The following TMC7 variants were observed in gnomAD, a reference collection of about 807,000 sequenced individuals.
TMC7 encodes the protein transmembrane channel-like protein 7.
Under a neutral mutation model 82.9 loss-of-function variants are expected in TMC7, and 54 were observed. The observed-to-expected ratio is 0.65, with a 90% CI of 0.52 to 0.82. TMC7 has a LOEUF of 0.82. Ranked by LOEUF, TMC7 falls within the 40% of genes least tolerant of loss-of-function variation. The pLI is 0.00. For synonymous variants in TMC7, 350 were observed against 337.9 expected (o/e 1.04, Z -0.39); for missense variants, 820 against 901.2 (o/e 0.91, Z 1.15).
chr16:19,014,097 A>C (rs970738934), intron 2 of TMC7, among the ~76,000 whole-genome samples: 2 of 146,694 alleles, frequency 1.4e-5, no homozygotes, highest in Non-Finnish European at 3.0e-5. Flanking sequence ...TGATCTTCTG[A>C]CCTTGTGATC....
Position 19,051,409 on chromosome 16 carries a change from C to G in TMC7, c.1741-277C>G, listed in dbSNP as rs1034405700. Among the ~76,000 whole-genome samples, 4 of 149,594 alleles carry G rather than the reference C, an allele frequency of 2.7e-5. No homozygotes were observed. The East Asian group carries it at 7.9e-4, about 29-fold the overall frequency. On this transcript the variant is annotated intron_variant, in intron 12 of 15. Transcript: ENST00000304381. ...TAATGCTATCCCTCCCCCCTCCCCC[C>G]ACACCACAACAGTCCCCGGTGTGTG... is the stretch of plus-strand genomic sequence containing the variant.
intron 1 of TMC7, among the ~76,000 whole-genome samples, chr16:19,002,814 G>A (rs1033674928): frequency 6.6e-6 from 1 of 152,190 alleles, no homozygotes; most frequent in Non-Finnish European, 1.5e-5. Context: ...AGCAGCCCAC[G>A]CTGACCACAG....
chr16:19,012,082 A>G (rs1198935403), intron 2 of TMC7: 1 of 151,624 alleles, frequency 6.6e-6, no homozygotes, highest in East Asian at 1.9e-4. Flanking sequence ...GCAAGCCAAG[A>G]TGGCACCACT....
At chr16:19,060,205 T>A (rs8050453) in intron 15 of TMC7, among the ~76,000 whole-genome samples, 136,141 of 151,986 alleles carry the variant, frequency 0.9, 61,984 homozygotes, top group Non-Finnish European at 0.97. Flanking sequence ...GAGGTGATTT[T>A]TTTTTATTTT....
At chr16:19,047,647 G>A (rs1457165091) in intron 12 of TMC7, among the ~76,000 whole-genome samples, 2 of 149,744 alleles carry the variant, frequency 1.3e-5, no homozygotes, top group African/African-American at 4.9e-5. Flanking sequence ...CACCCGCCTC[G>A]GCCTCCTAAA....
intron 3 of TMC7, among the ~76,000 whole-genome samples, chr16:19,021,054 T>G (rs1959949488): frequency 6.6e-6 from 1 of 152,144 alleles, no homozygotes; most frequent in African/African-American, 2.4e-5. Context: ...CAAATTGACC[T>G]GTATATTTTA....
chr16:19,038,629 G>C (rs1272138172), intron 8 of TMC7, among the ~76,000 whole-genome samples: 1 of 151,972 alleles, frequency 6.6e-6, no homozygotes, highest in Non-Finnish European at 1.5e-5. Flanking sequence ...TGATTCTCAT[G>C]CCTCAGCCTC....
chr16:19,044,828 G>T, intron 9 of TMC7, 56 bp from the exon 10 acceptor site: 1 of 1,280,326 alleles, frequency 7.8e-7, no homozygotes, highest in Non-Finnish European at 1.1e-6. Flanking sequence ...CAGTTCCAAG[G>T]GACCAGCCAC....
intron 5 of TMC7, among the ~76,000 whole-genome samples, chr16:19,029,463 A>G (rs1405407452): frequency 1.3e-5 from 2 of 152,132 alleles, no homozygotes; most frequent in Non-Finnish European, 2.9e-5. Flanking sequence ...TCTAGAGTGC[A>G]GTAGCACAAA....
chr16:19,037,402 A>AG (rs1490273680), intron 7 of TMC7, among the ~76,000 whole-genome samples: 9 of 64,486 alleles, frequency 1.4e-4, no homozygotes, highest in African/African-American at 3.4e-4. Flanking sequence ...AAAAAAAAAA[A>AG]AGAAAGAAAA....
chr16:18,994,403 C>T (rs2039004712), intron 1 of TMC7, among the ~76,000 whole-genome samples: 1 of 151,242 alleles, frequency 6.6e-6, no homozygotes, highest in Non-Finnish European at 1.5e-5. Flanking sequence ...AGAATACTGA[C>T]TATCGTGCCA....
At position 19,021,672 on chromosome 16, in the gene TMC7, A is replaced by T. The variant is rs147841271; in HGVS notation, c.504A>T (p.Arg168Ser). The T allele has an allele frequency of 4.5e-4, 725 of 1,613,990 alleles. 5 individuals carry two copies. Among genetic ancestry groups the T allele is most frequent in the South Asian group, 4.3e-3 (389 of 91,068 alleles). Reference sequence around the variant, plus strand: ...TTCAGTCCTATTTCTCCTTCTTGAGATTCCTGGTGTTGCTGAATTTGGTGA... The same window carrying T: ...TTCAGTCCTATTTCTCCTTCTTGAGTTTCCTGGTGTTGCTGAATTTGGTGA... ...TGIQSYFSFL[R>S]FLVLLNLVIF... The change falls in exon 4 of 16, where the codon AGA (arginine) becomes AGT (serine). Residue 168 changes from arginine (R) to serine (S), a missense_variant. Physicochemically the swap from Arg to Ser is moderately radical, Grantham distance 110. This residue lies in a region of TMC7 where 650 missense variants were observed against 669.9 expected (regional missense o/e 0.97). Transcript: ENST00000304381.
intron 1 of TMC7, among the ~76,000 whole-genome samples, chr16:19,004,993 G>A (rs1439329059): frequency 6.6e-6 from 1 of 151,716 alleles, no homozygotes; most frequent in Non-Finnish European, 1.5e-5. Flanking sequence ...AGCACAATGG[G>A]GATAATTCTC....
Position 19,059,578 on chromosome 16 carries a change from A to G in TMC7, c.2106+84A>G, listed in dbSNP as rs762484642. On this transcript the variant is annotated intron_variant, in intron 15 of 15. Transcript: ENST00000304381. The stretch of plus-strand genomic sequence containing the variant: ...GGAAAGTGCTGTTTTCCTGGGAGGG[A>G]GTGAAATTACTGCAGCCTTCTCTCA... 3 of 1,612,690 alleles carry G rather than the reference A, an allele frequency of 1.9e-6. No homozygotes were observed. The South Asian group carries it at 3.3e-5, about 18-fold the overall frequency.
chr16:18,995,554 C>A (rs1005604231), intron 1 of TMC7, among the ~76,000 whole-genome samples: 18 of 152,292 alleles, frequency 1.2e-4, no homozygotes, highest in African/African-American at 4.3e-4. Context: ...GGGCTGCGGG[C>A]ATTCCTTGGC....
chr16:19,040,684 A>G (rs1236569636), intron 9 of TMC7, among the ~76,000 whole-genome samples: 3 of 152,126 alleles, frequency 2.0e-5, no homozygotes, highest in Admixed American at 6.6e-5. Flanking sequence ...AGCACAGGGC[A>G]CAGGCTGGGA....
At chr16:19,058,941 G>A (rs773183650) in intron 14 of TMC7, among the ~76,000 whole-genome samples, 10 of 151,988 alleles carry the variant, frequency 6.6e-5, no homozygotes, top group African/African-American at 1.4e-4. Context: ...GCAGTGATGC[G>A]ATCTCAGCTC....
chr16:19,050,880 G>T (rs1961507540), intron 12 of TMC7, among the ~76,000 whole-genome samples: 1 of 151,930 alleles, frequency 6.6e-6, no homozygotes, highest in Admixed American at 6.6e-5. Flanking sequence ...ATGAACTCCT[G>T]CTCCCCACCT....
chr16:19,053,110 A>G (rs1275404161), intron 13 of TMC7, among the ~76,000 whole-genome samples: 3 of 152,142 alleles, frequency 2.0e-5, no homozygotes, highest in Non-Finnish European at 2.9e-5. Context: ...AGCAGTACAG[A>G]AGGGTGTAAA....
Sources: allele counts gnomAD v4.1 joint callset (sites outside exome capture counted in the v4.1 genomes callset), GRCh38; gene constraint gnomAD v4.1.1; regional missense constraint gnomAD v4.1.1; transcripts MANE v1.5; gene names NCBI Gene and HGNC (gene_info 2026-07-23, HGNC 2026-07-21).